The following PTPRJ variants were observed in gnomAD, a reference collection of about 807,000 sequenced individuals.
The protein encoded by PTPRJ is protein tyrosine phosphatase receptor type J.
Under a neutral mutation model 141.3 loss-of-function variants are expected in PTPRJ, and 129 were observed. The observed-to-expected ratio is 0.91, with a 90% CI of 0.79 to 1.06. The LOEUF (loss-of-function observed/expected upper bound fraction) is 1.06. Among genes scored for constraint, PTPRJ ranks in the 50% least tolerant of loss-of-function variants. The pLI is 0.00. For synonymous variants in PTPRJ, 610 were observed against 640.5 expected (o/e 0.95, Z 0.72); for missense variants, 1,601 against 1,679.7 (o/e 0.95, Z 0.82).
Position 48,121,083 on chromosome 11 carries a change from G to A in PTPRJ, c.433G>A (p.Ala145Thr), listed in dbSNP as rs766468331. The A allele has an allele frequency of 9.3e-6, 15 of 1,613,640 alleles. 1 individual carries two copies. In the East Asian group the frequency reaches 3.3e-4, roughly 36 times the overall value. Residue 145 changes from alanine (A) to threonine (T), a missense_variant, in exon 4 of 25, where the codon GCT becomes ACT. Ala to Thr is a moderately conservative substitution (Grantham distance 58). Coordinates refer to ENST00000418331, the MANE Select transcript of PTPRJ (RefSeq NM_002843.4). ...VILTWKSNDT[A>T]ASEYKYVVKH... is the part of the protein sequence containing the mutation. ...CTTAACTTGGAAAAGTAATGACACA[G>A]CTGCTTCTGAGTACAAGTATGTAGT...
intron 16 of PTPRJ, 185 bp downstream of exon 16, chr11:48,149,673 C>T (rs1018137): frequency 0.99 from 537,605 of 541,008 alleles, 267,212 homozygotes; most frequent in East Asian, 1. Flanking sequence ...TCTCCTGAAG[C>T]TGGCTTCCTT....
At chr11:47,981,165 G>A (rs962465976) in intron 1 of PTPRJ, among the ~76,000 whole-genome samples, 157 bp downstream of exon 1, 9 of 152,052 alleles carry the variant, frequency 5.9e-5, no homozygotes, top group African/African-American at 1.9e-4. Flanking sequence ...GACCCCGGCC[G>A]GCCTCGCACG....
chr11:48,090,793 T>C (rs1855850654), intron 1 of PTPRJ, among the ~76,000 whole-genome samples: 1 of 152,178 alleles, frequency 6.6e-6, no homozygotes, highest in Admixed American at 6.5e-5. Context: ...CTCAGGTGCC[T>C]GTGCCCTGGA....
At chr11:48,118,969 A>G (rs7108727) in intron 3 of PTPRJ, among the ~76,000 whole-genome samples, 145,714 of 147,464 alleles carry the variant, frequency 0.99, 72,017 homozygotes, top group Middle Eastern at 1. Flanking sequence ...GCAGTGAGCC[A>G]AGATCACGCC....
At chr11:48,106,090 C>T (rs1171818146) in intron 1 of PTPRJ, among the ~76,000 whole-genome samples, 2 of 152,170 alleles carry the variant, frequency 1.3e-5, no homozygotes, top group South Asian at 2.1e-4. Flanking sequence ...AAGAAAAATT[C>T]GCAGTTCTAT....
intron 1 of PTPRJ, among the ~76,000 whole-genome samples, chr11:48,063,923 T>C (rs1855006984): frequency 6.6e-6 from 1 of 151,074 alleles, no homozygotes; most frequent in Non-Finnish European, 1.5e-5. Context: ...AGCTTATGTG[T>C]GTGTGTGTGT....
intron 4 of PTPRJ, among the ~76,000 whole-genome samples, chr11:48,122,014 A>G (rs1856719701): frequency 6.6e-6 from 1 of 152,186 alleles, no homozygotes; most frequent in Non-Finnish European, 1.5e-5. Context: ...TGGAGCAGCA[A>G]ATATGAAACC....
At chr11:48,053,089 T>TA (rs1049687687) in intron 1 of PTPRJ, among the ~76,000 whole-genome samples, 1 of 129,242 alleles carries the variant, frequency 7.7e-6, no homozygotes, top group Non-Finnish European at 1.6e-5. Flanking sequence ...GCAGGAAATA[T>TA]AAAAAATTTA....
rs558609126 is a variant in PTPRJ, at chr11:47,985,818, AGCCTGC to A, written c.96+4811_96+4816del. The stretch of plus-strand genomic sequence containing the variant: ...CGGGTTCAAGCGATTCTCCTGCCTC[AGCCTGC>A]TGAGTAGCTGGGATTACAGACGTGC... On this transcript the variant is annotated intron_variant, in intron 1 of 24. Coordinates refer to ENST00000418331, the MANE Select transcript of PTPRJ (RefSeq NM_002843.4). 7.2e-5 allele frequency among the ~76,000 whole-genome samples: 11 copies of A among 152,228 alleles called. No individual in the cohort carries two copies. The South Asian group carries it at 1.9e-3, about 26-fold the overall frequency.
intron 20 of PTPRJ, 27 bp downstream of exon 20, chr11:48,155,901 C>T: frequency 6.3e-7 from 1 of 1,590,486 alleles, no homozygotes; most frequent in Non-Finnish European, 8.6e-7. Context: ...TCTCACAGCA[C>T]TGGACTGTTT....
At chr11:48,080,675 A>G (rs1855533777) in intron 1 of PTPRJ, among the ~76,000 whole-genome samples, 1 of 152,210 alleles carries the variant, frequency 6.6e-6, no homozygotes, top group Non-Finnish European at 1.5e-5. Flanking sequence ...CAGAATGCCA[A>G]AGATCGGCAA....
intron 1 of PTPRJ, among the ~76,000 whole-genome samples, chr11:48,079,502 A>G (rs919217574): frequency 3.3e-5 from 5 of 151,964 alleles, no homozygotes; most frequent in African/African-American, 1.2e-4. Context: ...AGTTCAGTGC[A>G]GTTTTTATGG....
chr11:48,037,511 A>G (rs1854157841), intron 1 of PTPRJ, among the ~76,000 whole-genome samples: 1 of 152,182 alleles, frequency 6.6e-6, no homozygotes, highest in African/African-American at 2.4e-5. Flanking sequence ...TTGCTGAGCT[A>G]GAATTAAAGT....
chr11:48,143,769 T>TCCCTCCTCCCCCTCCCCTCCTCCCCCTC (rs1293532023), intron 12 of PTPRJ, among the ~76,000 whole-genome samples: 1 of 142,788 alleles, frequency 7.0e-6, no homozygotes, highest in East Asian at 2.1e-4. Flanking sequence ...TTGTGGGGGT[T>TCCCTCCTCCCCCTCCCCTCCTCCCCCTC]CCCTCCTCCC....
chr11:48,108,032 T>A (rs982791635), intron 1 of PTPRJ, among the ~76,000 whole-genome samples: 1 of 152,192 alleles, frequency 6.6e-6, no homozygotes, highest in African/African-American at 2.4e-5. Flanking sequence ...TGCAGTGAGC[T>A]GTGATTGCAC....
rs397947207 is a variant in PTPRJ, at chr11:48,057,911, CT to C, written c.97-52134del. On this transcript the variant is annotated intron_variant, in intron 1 of 24. Transcript: ENST00000418331. Reference sequence around the variant, plus strand: ...ACCCAAAACTTTTGGGTCTTCCTGCCTTTTTTTTTTTTTCTTTTGAGACCAA... The same window carrying C: ...ACCCAAAACTTTTGGGTCTTCCTGCCTTTTTTTTTTTTCTTTTGAGACCAA... Among the ~76,000 whole-genome samples, 1,267 of 143,518 alleles carry C rather than the reference CT, an allele frequency of 8.8e-3. 18 individuals are homozygous for C. The highest frequency in any genetic ancestry group is 0.029 in the African/African-American group (1,132 of 39,438). 94.2% of individuals were successfully genotyped at this position (143,518 alleles called of 152,430 possible). A position where few individuals can be genotyped will look rare whatever the true frequency, so the allele number is the denominator to read the frequency against.
intron 1 of PTPRJ, among the ~76,000 whole-genome samples, chr11:47,991,426 A>G (rs1224907490): frequency 6.6e-6 from 1 of 152,188 alleles, no homozygotes; most frequent in Non-Finnish European, 1.5e-5. Context: ...TTAAGCCACC[A>G]ATGGGAAAGT....
chr11:48,112,776 G>A lies in PTPRJ; in HGVS notation c.145G>A (p.Ala49Thr). 1 of 1,614,088 alleles carries A rather than the reference G, an allele frequency of 6.2e-7. No individual in the cohort carries two copies. Residue 49 changes from alanine to threonine, a missense_variant, in exon 3 of 25, where the codon GCA (alanine) becomes ACA (threonine). Transcript: ENST00000418331. ...TPSPIPDPSV[A>T]TVATGENGIT... ...TAGTCCAATTCCTGACCCTTCAGTA[G>A]CAACTGTTGCCACAGGGGAAAATGG...
intron 6 of PTPRJ, among the ~76,000 whole-genome samples, chr11:48,126,927 A>G (rs1353442823): frequency 6.6e-6 from 1 of 152,132 alleles, no homozygotes; most frequent in African/African-American, 2.4e-5. Flanking sequence ...TGAGGCACCC[A>G]AGACACGACA....
Sources: gnomAD v4.1 joint callset for allele counts (sites outside exome capture counted in the v4.1 genomes callset) on GRCh38, gnomAD v4.1.1 for gene constraint, MANE v1.5 for transcripts, NCBI Gene and HGNC (gene_info 2026-07-23, HGNC 2026-07-21) for gene names.